The following HCN4 variants were observed in gnomAD, a reference collection of about 807,000 sequenced individuals.
The protein encoded by HCN4 is hyperpolarization activated cyclic nucleotide gated potassium channel 4.
A neutral mutation model predicts 76.9 loss-of-function variants in HCN4; 29 were observed. That is an observed-to-expected ratio of 0.38 (90% CI 0.28 to 0.51). HCN4 has a LOEUF of 0.51. Among genes scored for constraint, HCN4 ranks in the 20% least tolerant of loss-of-function variants. The pLI, the probability that HCN4 is intolerant of heterozygous loss-of-function variation, is 0.90. For missense variants in HCN4, 1,416 were observed against 1,715.2 expected (o/e 0.83, Z 3.08); for synonymous variants, 772 against 762.5 (o/e 1.01, Z -0.21).
In HCN4 at chr15:73,322,179, T is replaced by C. The variant is rs1172834698; in HGVS notation, c.*302A>G. 3 of 328,460 alleles carry C rather than the reference T, an allele frequency of 9.1e-6. No homozygotes were observed. Among genetic ancestry groups the C allele is most frequent in the Non-Finnish European group, 5.9e-6 (1 of 169,940 alleles). 20.3% of individuals were successfully genotyped at this position (328,460 alleles called of 1,614,324 possible). ...CGCCAACACTGGCCACTCCCACCCCTGCCCAGCCCCGGAGACCCCATCTGC... is the reference window on the plus strand; with the variant it reads ...CGCCAACACTGGCCACTCCCACCCCCGCCCAGCCCCGGAGACCCCATCTGC... On this transcript the variant is annotated 3_prime_UTR_variant, in exon 8 of 8. Coordinates refer to ENST00000261917, the MANE Select transcript of HCN4 (RefSeq NM_005477.3).
At chr15:73,348,876 C>T (rs1462860436) in intron 1 of HCN4, among the ~76,000 whole-genome samples, 6 of 151,722 alleles carry the variant, frequency 4.0e-5, no homozygotes, top group Non-Finnish European at 7.4e-5. Context: ...TACCTGCCTG[C>T]AAAATGCATC....
intron 4 of HCN4, 78 bp downstream of exon 4, chr15:73,329,495 G>T: frequency 7.0e-7 from 1 of 1,422,628 alleles, no homozygotes; most frequent in Non-Finnish European, 9.9e-7. Flanking sequence ...GGCGGTTCCT[G>T]CTGGGGGCCC....
At chr15:73,344,738 G>A (rs2043022553) in intron 1 of HCN4, among the ~76,000 whole-genome samples, 1 of 152,218 alleles carries the variant, frequency 6.6e-6, no homozygotes, top group Non-Finnish European at 1.5e-5. Flanking sequence ...TGAGGAGGAG[G>A]CACAACACCA....
intron 2 of HCN4, among the ~76,000 whole-genome samples, chr15:73,334,445 G>A (rs751669428): frequency 2.0e-5 from 3 of 152,056 alleles, no homozygotes; most frequent in Admixed American, 1.3e-4. Flanking sequence ...AGCACCAGCC[G>A]GGGGGAAGAT....
chr15:73,332,296 C>T lies in HCN4; in HGVS notation c.1210-4G>A. 1 of 1,614,116 alleles carries T rather than the reference C, an allele frequency of 6.2e-7. No individual in the cohort carries two copies. Among genetic ancestry groups the T allele is most frequent in the Non-Finnish European group, 8.5e-7 (1 of 1,179,972 alleles). On this transcript the variant is annotated splice_polypyrimidine_tract_variant and splice_region_variant and intron_variant, in intron 2 of 7. Coordinates refer to ENST00000261917, the MANE Select transcript of HCN4 (RefSeq NM_005477.3). ...GGTCGTAGGTCATGTGGAAGATCTGCCAGCAGAGGAGGAGAAATTGGCTGG... is the reference window on the plus strand; with the variant it reads ...GGTCGTAGGTCATGTGGAAGATCTGTCAGCAGAGGAGGAGAAATTGGCTGG...
In HCN4 at chr15:73,325,229, A is replaced by T. The variant is rs755130968; in HGVS notation, c.1738-34T>A. On this transcript the variant is annotated intron_variant, in intron 5 of 7. Coordinates refer to ENST00000261917, the MANE Select transcript of HCN4 (RefSeq NM_005477.3). The surrounding 1 kb of genome is among the most constrained non-coding windows in gnomAD (Gnocchi z 7.4). ...CAGGGTGGATTGGGACACGGGAAGG[A>T]GGTGGTGAGGGGAGCTGGCTGCCAG... 2.5e-6 allele frequency: 4 copies of T among 1,613,986 alleles called. No homozygotes were observed. In the South Asian group the frequency reaches 3.3e-5, roughly 13 times the overall value.
At chr15:73,347,199 G>A (rs1292047099) in intron 1 of HCN4, among the ~76,000 whole-genome samples, 1 of 152,162 alleles carries the variant, frequency 6.6e-6, no homozygotes, top group Non-Finnish European at 1.5e-5. Flanking sequence ...TAGCACTGTG[G>A]CTGCTGTTAT....
intron 2 of HCN4, among the ~76,000 whole-genome samples, chr15:73,334,997 A>G (rs1244211324): frequency 6.6e-6 from 1 of 151,906 alleles, no homozygotes; most frequent in African/African-American, 2.4e-5. Flanking sequence ...CCAGACAGAG[A>G]CGATCTCTTT....
rs2042891737 is a variant in HCN4, at chr15:73,325,231, G to A, written c.1738-36C>T. Reference sequence around the variant, plus strand: ...GGGTGGATTGGGACACGGGAAGGAGGTGGTGAGGGGAGCTGGCTGCCAGGA... The same window carrying A: ...GGGTGGATTGGGACACGGGAAGGAGATGGTGAGGGGAGCTGGCTGCCAGGA... On this transcript the variant is annotated intron_variant, in intron 5 of 7. Coordinates refer to ENST00000261917, the MANE Select transcript of HCN4 (RefSeq NM_005477.3). This position sits in a 1 kb window ranked among gnomAD's most constrained non-coding sequence, Gnocchi z 7.4. 1 of 1,614,000 alleles carries A rather than the reference G, an allele frequency of 6.2e-7. No homozygotes were observed. The highest frequency in any genetic ancestry group is 1.3e-5 in the African/African-American group (1 of 74,930).
At chr15:73,360,129 T>C (rs1426909820) in intron 1 of HCN4, among the ~76,000 whole-genome samples, 1 of 152,214 alleles carries the variant, frequency 6.6e-6, no homozygotes, top group African/African-American at 2.4e-5. Context: ...CTAATTTTGA[T>C]GGGATCCTGA....
intron 6 of HCN4, 22 bp downstream of exon 6, chr15:73,324,933 C>T (rs979046508): frequency 2.5e-6 from 4 of 1,613,490 alleles, no homozygotes; most frequent in African/African-American, 1.3e-5. Context: ...GCCCTGTCCC[C>T]CAGGGCCCAG....
intron 1 of HCN4, among the ~76,000 whole-genome samples, chr15:73,361,608 A>G (rs2043105350): frequency 6.6e-6 from 1 of 152,108 alleles, no homozygotes; most frequent in South Asian, 2.1e-4. Flanking sequence ...CCCCCAGGGG[A>G]CTGGGGCTGG....
At chr15:73,361,232 G>A (rs2043103450) in intron 1 of HCN4, among the ~76,000 whole-genome samples, 1 of 152,156 alleles carries the variant, frequency 6.6e-6, no homozygotes, top group Admixed American at 6.5e-5. Context: ...GTGACGGGGA[G>A]CTCACCACCT....
chr15:73,366,404 G>A (rs2043128550), intron 1 of HCN4, among the ~76,000 whole-genome samples: 1 of 152,128 alleles, frequency 6.6e-6, no homozygotes, highest in Admixed American at 6.5e-5. Flanking sequence ...TAAGTAGGCG[G>A]CAGGGCCCAG....
Position 73,325,475 on chromosome 15 carries a change from ACCCCACCAGGGGGCGTCAGCAGCCAG to A in HCN4, c.1591-57_1591-32del, listed in dbSNP as rs776252518. 1.9e-6 allele frequency: 3 copies of A among 1,612,672 alleles called. No homozygotes were observed. The African/African-American group carries it at 4.0e-5, about 22-fold the overall frequency. ...GCCGGGAGAAGGGGGCGTCAGCTCC[ACCCCACCAGGGGGCGTCAGCAGCCAG>A]CCCCACCACCTCGGCAGGCACCACA... is the stretch of plus-strand genomic sequence containing the variant. On this transcript the variant is annotated intron_variant, in intron 4 of 7. Transcript: ENST00000261917. This position sits in a 1 kb window ranked among gnomAD's most constrained non-coding sequence, Gnocchi z 7.4.
rs2043136038 is a variant in HCN4 at position 73,367,815 on chromosome 15, G to C, written c.456C>G (p.Pro152=). 2.4e-6 allele frequency: 3 copies of C among 1,233,744 alleles called. No homozygotes were observed. Among genetic ancestry groups the C allele is most frequent in the Non-Finnish European group, 2.0e-6 (2 of 993,676 alleles). 76.4% of individuals were successfully genotyped at this position (1,233,744 alleles called of 1,614,324 possible). A position where few individuals can be genotyped will look rare whatever the true frequency, so the allele number is the denominator to read the frequency against. The change falls in exon 1 of 8, where the codon CCC becomes CCG. Residue 152 remains proline (P), a synonymous_variant. Transcript: ENST00000261917. The surrounding 1 kb of genome is among the most constrained non-coding windows in gnomAD (Gnocchi z 7.5). ...GCTGCGCCGAGGCGCCGGGGCGCTC[G>C]GGCTCGGCCGCCAGGCCTGGGGGCG... ...DRTPPGLAAE[P]ERPGASAQPA...
At chr15:73,346,933 T>A (rs1409082941) in intron 1 of HCN4, among the ~76,000 whole-genome samples, 2 of 152,174 alleles carry the variant, frequency 1.3e-5, no homozygotes, top group East Asian at 3.9e-4. Flanking sequence ...CCAGCACACC[T>A]GCCAGCCCCG....
chr15:73,366,728 A>G (rs548811034), intron 1 of HCN4, among the ~76,000 whole-genome samples: 1 of 152,336 alleles, frequency 6.6e-6, no homozygotes, highest in South Asian at 2.1e-4. Flanking sequence ...TGAGAGACCA[A>G]GCAGATGCTG....
chr15:73,320,218 C>T lies in HCN4; in HGVS notation c.*2263G>A, dbSNP rs562713919. On this transcript the variant is annotated 3_prime_UTR_variant, in exon 8 of 8. Transcript: ENST00000261917. Reference sequence around the variant, plus strand: ...AAGGGGAAGGGGTGTGTGCAGAACTCAGGTTGAGGCTAAGTCCTTCCAGTT... The same window carrying T: ...AAGGGGAAGGGGTGTGTGCAGAACTTAGGTTGAGGCTAAGTCCTTCCAGTT... 1 of 152,316 alleles carries T rather than the reference C, an allele frequency of 6.6e-6. No homozygotes were observed. The highest frequency in any genetic ancestry group is 6.5e-5 in the Admixed American group (1 of 15,296). The allele number at this position is 152,316 out of a possible 1,614,324, so 9.4% of individuals were successfully genotyped here.
Sources: allele counts gnomAD v4.1 joint callset (sites outside exome capture counted in the v4.1 genomes callset), GRCh38; gene constraint gnomAD v4.1.1; non-coding constraint Gnocchi (gnomAD v3.1); transcripts MANE v1.5; gene names NCBI Gene and HGNC (gene_info 2026-07-23, HGNC 2026-07-21).